The following IYD variants were observed in gnomAD, a reference collection of about 807,000 sequenced individuals.
IYD encodes iodotyrosine deiodinase.
Under a neutral mutation model 28.4 loss-of-function variants are expected in IYD, and 25 were observed. The ratio of observed to expected loss-of-function variants is 0.88; its 90% CI spans 0.64 to 1.23. IYD has a LOEUF of 1.23. Ranked by LOEUF, IYD falls within the 50% of genes most tolerant of loss-of-function variation. The pLI, the probability that IYD is intolerant of heterozygous loss-of-function variation, is 0.00. For missense variants in IYD, 352 were observed against 357.9 expected (o/e 0.98, Z 0.13); for synonymous variants, 140 against 130.8 (o/e 1.07, Z -0.48).
chr6:150,371,331 G>T (rs993261197), intron 1 of IYD, among the ~76,000 whole-genome samples: 12 of 152,212 alleles, frequency 7.9e-5, no homozygotes, highest in African/African-American at 2.9e-4. Context: ...GCTCAGGAAG[G>T]TGATTGCAGA....
intron 3 of IYD, among the ~76,000 whole-genome samples, chr6:150,393,433 C>T (rs1284628569): frequency 1.3e-5 from 2 of 152,188 alleles, no homozygotes; most frequent in African/African-American, 4.8e-5. Context: ...TGGAGAAATA[C>T]ACAAGTGAGT....
intron 1 of IYD, among the ~76,000 whole-genome samples, chr6:150,381,635 CAGA>C (rs1370713445): frequency 1.3e-5 from 2 of 152,204 alleles, no homozygotes; most frequent in Non-Finnish European, 2.9e-5. Context: ...CTATTTCCAA[CAGA>C]AGTAACTTCT....
chr6:150,386,640 T>C (rs1230293204), intron 1 of IYD, among the ~76,000 whole-genome samples: 1 of 152,188 alleles, frequency 6.6e-6, no homozygotes, highest in Admixed American at 6.5e-5. Context: ...TCTTTCACTG[T>C]GTTGTGGATT....
In IYD at chr6:150,369,135, G is replaced by A. The variant is rs749250063; in HGVS notation, c.104G>A (p.Arg35Lys). 2 of 1,613,942 alleles carry A rather than the reference G, an allele frequency of 1.2e-6. No individual in the cohort carries two copies. Among genetic ancestry groups the A allele is most frequent in the South Asian group, 1.1e-5 (1 of 91,064 alleles). Residue 35 changes from arginine (R) to lysine (K), a missense_variant, in exon 1 of 5, where the codon AGA becomes AAA. Physicochemically the swap from Arg to Lys is conservative, Grantham distance 26. Coordinates refer to ENST00000344419, the MANE Select transcript of IYD (RefSeq NM_203395.3). ...ATGGAGAAAAAGAAGGGGGAGCCTAGAACCAGGGCCGAAGCTCGCCCCTGG... is the reference window on the plus strand; with the variant it reads ...ATGGAGAAAAAGAAGGGGGAGCCTAAAACCAGGGCCGAAGCTCGCCCCTGG... Reference protein sequence around the residue: ...RSMEKKKGEPRTRAEARPWVD... With the variant: ...RSMEKKKGEPKTRAEARPWVD...
rs1218970078 is a variant in IYD, at chr6:150,403,632, C to T, written c.*5395C>T. ...ATCCAGGGGCAGGCTCAAGGGAGAA[C>T]AGCCCCCAAAGCTAAGATCCTGCCA... On this transcript the variant is annotated 3_prime_UTR_variant, in exon 5 of 5. Coordinates refer to ENST00000344419, the MANE Select transcript of IYD (RefSeq NM_203395.3). The T allele has an allele frequency of 1.3e-5, 2 of 152,230 alleles. No homozygotes were observed. Among genetic ancestry groups the T allele is most frequent in the South Asian group, 4.1e-4 (2 of 4,826 alleles). The allele number at this position is 152,230 out of a possible 1,614,324, so 9.4% of individuals were successfully genotyped here. A position where few individuals can be genotyped will look rare whatever the true frequency, so the allele number is the denominator to read the frequency against.
intron 1 of IYD, chr6:150,369,839 G>A: frequency 1.6e-6 from 1 of 636,362 alleles, no homozygotes; most frequent in Non-Finnish European, 2.8e-6. Flanking sequence ...CAAGTGCTGG[G>A]AGGCCTGTCA....
At chr6:150,397,344 A>G (rs1778358929) in intron 4 of IYD, among the ~76,000 whole-genome samples, 1 of 152,064 alleles carries the variant, frequency 6.6e-6, no homozygotes, top group African/African-American at 2.4e-5. Context: ...TGAGACGGGC[A>G]GATCACTTAA....
rs1554232835 is a variant in IYD at position 150,397,582 on chromosome 6, A to AAC, written c.688-472_688-471insCA. ...CATACTTTGTCTCAAAAAAAAAACA[A>AAC]AAAACAAAACCGAATATGTATATTT... On this transcript the variant is annotated intron_variant, in intron 4 of 4. Transcript: ENST00000344419. 3.6e-3 allele frequency among the ~76,000 whole-genome samples: 439 copies of AAC among 123,142 alleles called. 8 individuals carry two copies. The highest frequency in any genetic ancestry group is 0.015 in the African/African-American group (407 of 26,830). The allele number at this position is 123,142 out of a possible 152,430, so 80.8% of individuals were successfully genotyped here.
In IYD at chr6:150,404,448, A is replaced by G. The variant is rs1226439220; in HGVS notation, c.*6211A>G. ...TGAAAAGTATTAGACTAGATTTACT[A>G]TAAGTTTAATGTATTAGATTTACAA... is the stretch of plus-strand genomic sequence containing the variant. On this transcript the variant is annotated 3_prime_UTR_variant, in exon 5 of 5. Coordinates refer to ENST00000344419, the MANE Select transcript of IYD (RefSeq NM_203395.3). 2 of 152,246 alleles carry G rather than the reference A, an allele frequency of 1.3e-5. No homozygotes were observed. The highest frequency in any genetic ancestry group is 2.9e-5 in the Non-Finnish European group (2 of 68,044). The allele number at this position is 152,246 out of a possible 1,614,324, so 9.4% of individuals were successfully genotyped here.
At chr6:150,388,705 CTT>C (rs34498269) in intron 1 of IYD, among the ~76,000 whole-genome samples, 21 of 92,698 alleles carry the variant, frequency 2.3e-4, no homozygotes, top group Non-Finnish European at 4.3e-4. Flanking sequence ...CTTCCTTTCT[CTT>C]TTTTTTTTTT....
chr6:150,369,943 A>C, intron 1 of IYD: 1 of 701,896 alleles, frequency 1.4e-6, no homozygotes, highest in East Asian at 2.7e-5. Flanking sequence ...AGAGGGTAAG[A>C]ATGGAAGTAG....
chr6:150,385,349 G>GT (rs1209928620), intron 1 of IYD, among the ~76,000 whole-genome samples: 3 of 152,156 alleles, frequency 2.0e-5, no homozygotes, highest in East Asian at 1.9e-4. Flanking sequence ...ATGTGGTGGG[G>GT]TTTTTCCCCC....
At chr6:150,371,719 G>A (rs369739548) in intron 1 of IYD, among the ~76,000 whole-genome samples, 20 of 152,264 alleles carry the variant, frequency 1.3e-4, no homozygotes, top group South Asian at 2.1e-4. Context: ...CCTTAGTGTC[G>A]TCCTTAGCAG....
chr6:150,370,135 C>G (rs1777167408), intron 1 of IYD: 1 of 675,272 alleles, frequency 1.5e-6, no homozygotes, highest in Non-Finnish European at 2.7e-6. Flanking sequence ...CCCCCATCCC[C>G]AAACAGAGGC....
intron 1 of IYD, among the ~76,000 whole-genome samples, chr6:150,383,788 G>C (rs561703704): frequency 1.2e-5 from 1 of 85,216 alleles, no homozygotes; most frequent in East Asian, 3.1e-4. Flanking sequence ...ATGAGACCAA[G>C]TCTCTAAAAA....
intron 1 of IYD, among the ~76,000 whole-genome samples, chr6:150,387,207 C>T (rs78666909): frequency 6.6e-6 from 1 of 152,074 alleles, no homozygotes; most frequent in Admixed American, 6.5e-5. Flanking sequence ...CAATTATGAA[C>T]CTGAAGTTTG....
intron 1 of IYD, among the ~76,000 whole-genome samples, chr6:150,371,192 CTT>C (rs1777226530): frequency 6.6e-6 from 1 of 152,170 alleles, no homozygotes; most frequent in African/African-American, 2.4e-5. Context: ...ATTAATAGCT[CTT>C]AATGTATGCA....
At position 150,404,454 on chromosome 6, in the gene IYD, T is replaced by C. The variant is rs1778593772; in HGVS notation, c.*6217T>C. ...GTATTAGACTAGATTTACTATAAGT[T>C]TAATGTATTAGATTTACAAGAGATG... On this transcript the variant is annotated 3_prime_UTR_variant, in exon 5 of 5. Transcript: ENST00000344419. The C allele has an allele frequency of 6.6e-6, 1 of 152,224 alleles. No individual in the cohort carries two copies. The highest frequency in any genetic ancestry group is 2.4e-5 in the African/African-American group (1 of 41,466). The allele number at this position is 152,224 out of a possible 1,614,324, so 9.4% of individuals were successfully genotyped here.
In IYD at chr6:150,369,131, C is replaced by A. The variant is rs769526145; in HGVS notation, c.100C>A (p.Pro34Thr). Residue 34 changes from proline (P) to threonine (T), a missense_variant, in exon 1 of 5, where the codon CCT (proline) becomes ACT (threonine). By Grantham distance (38) the Pro-to-Thr change is conservative. Coordinates refer to ENST00000344419, the MANE Select transcript of IYD (RefSeq NM_203395.3). ...DRSMEKKKGE[P>T]RTRAEARPWV... ...AAGCATGGAGAAAAAGAAGGGGGAG[C>A]CTAGAACCAGGGCCGAAGCTCGCCC... 6 of 1,613,860 alleles carry A rather than the reference C, an allele frequency of 3.7e-6. No individual in the cohort carries two copies. In the South Asian group the frequency reaches 6.6e-5, roughly 18 times the overall value.
Sources: gnomAD v4.1 joint callset for allele counts (sites outside exome capture counted in the v4.1 genomes callset) on GRCh38, gnomAD v4.1.1 for gene constraint, MANE v1.5 for transcripts, NCBI Gene and HGNC (gene_info 2026-07-23, HGNC 2026-07-21) for gene names.